Variants in SUGCT observed in about 807,000 individuals in gnomAD.
SUGCT encodes succinyl-CoA:glutarate CoA-transferase.
In SUGCT, 41 loss-of-function variants were observed where a neutral mutation model predicts 55.0. The observed-to-expected ratio is 0.74, with a 90% CI of 0.58 to 0.97. The LOEUF (loss-of-function observed/expected upper bound fraction) is 0.97, where lower values mean the gene tolerates loss of function less well. SUGCT is among the 50% of genes least tolerant of loss of function. The probability of loss-of-function intolerance (pLI) is 0.00; values close to 1 mark genes in which losing one functional copy is unlikely to be tolerated. For synonymous variants in SUGCT, 187 were observed against 200.4 expected (o/e 0.93, Z 0.56); for missense variants, 568 against 547.8 (o/e 1.04, Z -0.37).
At chr7:40,440,614 G>A (rs1019482692) in intron 9 of SUGCT, among the ~76,000 whole-genome samples, 1 of 151,978 alleles carries the variant, frequency 6.6e-6, no homozygotes, top group African/African-American at 2.4e-5. Context: ...TGATATTCAT[G>A]ATATTTACCA....
intron 6 of SUGCT, among the ~76,000 whole-genome samples, chr7:40,231,727 G>C: frequency 6.6e-6 from 1 of 152,302 alleles, no homozygotes; most frequent in Admixed American, 6.5e-5. Context: ...GATAAAGAGT[G>C]GAGGTTTATT....
At chr7:40,992,221 C>G in the SUGCT span, among the ~76,000 whole-genome samples, 2 of 152,018 alleles carry the variant, frequency 1.3e-5, no homozygotes, top group African/African-American at 4.8e-5. Context: ...CTTTTTAGAC[C>G]ATATAGGTTA....
chr7:40,288,670 C>T (rs1018499071), intron 8 of SUGCT, among the ~76,000 whole-genome samples: 4 of 150,502 alleles, frequency 2.7e-5, no homozygotes, highest in African/African-American at 9.8e-5. Context: ...CCTATTAGCC[C>T]CATTAAAAAA....
At chr7:40,676,139 A>G (rs1685612488) in intron 12 of SUGCT, among the ~76,000 whole-genome samples, 1 of 152,216 alleles carries the variant, frequency 6.6e-6, no homozygotes. Flanking sequence ...TCTGGACTGA[A>G]CAGTGCTAGG....
chr7:40,421,398 A>G (rs1259766373), intron 9 of SUGCT, among the ~76,000 whole-genome samples: 2 of 152,102 alleles, frequency 1.3e-5, no homozygotes, highest in East Asian at 3.9e-4. Flanking sequence ...AGGACTCAGG[A>G]CCAGTGGCTC....
chr7:40,150,664 TA>T (rs1788512680), intron 1 of SUGCT, among the ~76,000 whole-genome samples: 2 of 148,636 alleles, frequency 1.3e-5, no homozygotes, highest in South Asian at 4.2e-4. Flanking sequence ...AGAGCGAAAC[TA>T]CACACAACAA....
intron 12 of SUGCT, among the ~76,000 whole-genome samples, chr7:40,742,102 G>T (rs1010937963): frequency 6.6e-6 from 1 of 151,996 alleles, no homozygotes; most frequent in African/African-American, 2.4e-5. Flanking sequence ...TGTATATTAT[G>T]TACATTATAT....
intron 7 of SUGCT, 61 bp downstream of exon 7, chr7:40,237,787 A>C: frequency 7.3e-7 from 1 of 1,367,160 alleles, no homozygotes; most frequent in Non-Finnish European, 1.0e-6. Context: ...AAAGGATTTT[A>C]CTCTGCACTA....
At chr7:40,532,241 T>C (rs1236162243) in intron 12 of SUGCT, among the ~76,000 whole-genome samples, 1 of 152,218 alleles carries the variant, frequency 6.6e-6, no homozygotes, top group Admixed American at 6.5e-5. Context: ...AGAAACATTT[T>C]AAGTATTTAG....
chr7:40,768,393 G>C (rs538828269), intron 13 of SUGCT, among the ~76,000 whole-genome samples: 6 of 152,168 alleles, frequency 3.9e-5, no homozygotes, highest in Admixed American at 3.9e-4. Flanking sequence ...ATGGACTCTT[G>C]TTCTCCATAA....
chr7:40,137,869 A>G (rs1787779629), intron 1 of SUGCT, among the ~76,000 whole-genome samples: 2 of 152,126 alleles, frequency 1.3e-5, no homozygotes, highest in Admixed American at 6.6e-5. Flanking sequence ...TTTTGAAGAC[A>G]TGGGGTTTTG....
At chr7:40,808,271 C>T (rs1791217788) in intron 13 of SUGCT, 2 of 152,220 alleles carry the variant, frequency 1.3e-5, no homozygotes, top group Non-Finnish European at 2.9e-5. Flanking sequence ...TGGCCCCTGG[C>T]CTCACCTGAA....
At chr7:40,831,826 T>C (rs1792681369) in intron 13 of SUGCT, among the ~76,000 whole-genome samples, 1 of 152,160 alleles carries the variant, frequency 6.6e-6, no homozygotes, top group South Asian at 2.1e-4. Flanking sequence ...TATAGGCCTG[T>C]AGTGTGATGA....
At chr7:40,382,757 A>C (rs886882447) in intron 9 of SUGCT, among the ~76,000 whole-genome samples, 3 of 152,192 alleles carry the variant, frequency 2.0e-5, no homozygotes, top group Non-Finnish European at 4.4e-5. Flanking sequence ...ATATTCATTG[A>C]ATATATACAA....
chr7:40,563,669 G>A (rs1483277489), intron 12 of SUGCT, among the ~76,000 whole-genome samples: 2 of 151,816 alleles, frequency 1.3e-5, no homozygotes, highest in African/African-American at 4.8e-5. Context: ...AGCCGTGATT[G>A]CACCACTGCA....
intron 13 of SUGCT, among the ~76,000 whole-genome samples, chr7:40,776,250 C>A (rs1220126190): frequency 6.6e-6 from 1 of 152,184 alleles, no homozygotes; most frequent in Non-Finnish European, 1.5e-5. Flanking sequence ...TCCCACGCTG[C>A]CTCAGTTTCT....
intron 12 of SUGCT, among the ~76,000 whole-genome samples, chr7:40,712,144 A>G (rs1266926072): frequency 1.3e-5 from 2 of 152,244 alleles, no homozygotes; most frequent in South Asian, 2.1e-4. Flanking sequence ...TGCTTGGTAA[A>G]TAGGGGTTAT....
chr7:40,333,267 GAA>G lies in SUGCT; in HGVS notation c.816+16415_816+16416del, dbSNP rs377193080. Among the ~76,000 whole-genome samples the G allele has an allele frequency of 2.7e-4, 41 of 152,148 alleles. 1 individual carries two copies. The East Asian group carries it at 7.0e-3, about 26-fold the overall frequency. On this transcript the variant is annotated intron_variant, in intron 9 of 13. Coordinates refer to ENST00000335693, the MANE Select transcript of SUGCT (RefSeq NM_001193313.2). Reference sequence around the variant, plus strand: ...GATTGAATATAATGAAAACAGTAAAGAAAATGTATAAAATAATGCTGGACAAA... The same window carrying G: ...GATTGAATATAATGAAAACAGTAAAGAATGTATAAAATAATGCTGGACAAA...
intron 1 of SUGCT, among the ~76,000 whole-genome samples, chr7:40,155,958 A>G (rs1320631930): frequency 6.6e-6 from 1 of 151,744 alleles, no homozygotes; most frequent in Non-Finnish European, 1.5e-5. Context: ...CCGGGGTTCA[A>G]GCCATTCTCC....
Sources: gnomAD v4.1 joint callset for allele counts (sites outside exome capture counted in the v4.1 genomes callset) on GRCh38, gnomAD v4.1.1 for gene constraint, MANE v1.5 for transcripts, NCBI Gene and HGNC (gene_info 2026-07-23, HGNC 2026-07-21) for gene names.